Variants in PTPRB observed in about 807,000 individuals in gnomAD.
PTPRB encodes receptor-type tyrosine-protein phosphatase beta.
In PTPRB, 97 loss-of-function variants were observed where a neutral mutation model predicts 238.1. That is an observed-to-expected ratio of 0.41 (90% confidence interval 0.35 to 0.48). The LOEUF (loss-of-function observed/expected upper bound fraction) is 0.48. Among genes scored for constraint, PTPRB ranks in the 20% least tolerant of loss-of-function variants. The pLI is 0.30. For missense variants in PTPRB, 2,292 were observed against 2,681.9 expected (o/e 0.85, Z 3.21); for synonymous variants, 970 against 995.4 (o/e 0.97, Z 0.48).
intron 3 of PTPRB, among the ~76,000 whole-genome samples, chr12:70,610,071 C>G (rs1303958053): frequency 1.3e-5 from 2 of 152,112 alleles, no homozygotes; most frequent in African/African-American, 4.8e-5. Flanking sequence ...CCATTCTGAC[C>G]CGCGCTGCCT....
chr12:70,576,689 G>GGGGGGTGAA (rs1880814174), intron 10 of PTPRB, 44 bp from the exon 11 acceptor site: 1 of 324,636 alleles, frequency 3.1e-6, no homozygotes, highest in African/African-American at 2.7e-5. Flanking sequence ...GGGGAAGGGG[G>GGGGGGTGAA]ATTCAAAAAG....
intron 20 of PTPRB, among the ~76,000 whole-genome samples, chr12:70,553,965 A>G (rs1877277280): frequency 6.6e-6 from 1 of 152,202 alleles, no homozygotes; most frequent in East Asian, 1.9e-4. Context: ...ACACAAGGCT[A>G]CTTTCTGGGG....
At chr12:70,626,292 C>T (rs967736166) in intron 2 of PTPRB, among the ~76,000 whole-genome samples, 5 of 115,764 alleles carry the variant, frequency 4.3e-5, no homozygotes, top group African/African-American at 1.4e-4. Context: ...GATGTCTATC[C>T]ATCCATCTAT....
Position 70,562,941 on chromosome 12 carries a change from G to A in PTPRB, c.4071C>T (p.Phe1357=), listed in dbSNP as rs1228848629. The part of the protein sequence containing the change: ...RAQVDPLVQS[F]SFQNLLQGRM... ...TGCCTTGTAGCAAGTTCTGGAAAGA[G>A]AAGCTCTGGACTAGTGGGTCAACTT... The change falls in exon 16 of 34, where the codon TTC becomes TTT. Residue 1357 remains phenylalanine (F), a synonymous_variant. Transcript: ENST00000334414. 2 of 1,614,012 alleles carry A rather than the reference G, an allele frequency of 1.2e-6. No homozygotes were observed. Among genetic ancestry groups the A allele is most frequent in the East Asian group, 4.5e-5 (2 of 44,880 alleles).
At chr12:70,575,685 T>C (rs1233122715) in intron 11 of PTPRB, among the ~76,000 whole-genome samples, 2 of 152,220 alleles carry the variant, frequency 1.3e-5, no homozygotes, top group Non-Finnish European at 2.9e-5. Flanking sequence ...TTTGACAATG[T>C]ATTGATGCCA....
Position 70,521,388 on chromosome 12 carries a change from A to G in PTPRB, c.*101T>C. 1 of 757,406 alleles carries G rather than the reference A, an allele frequency of 1.3e-6. No homozygotes were observed. Among genetic ancestry groups the G allele is most frequent in the Non-Finnish European group, 2.0e-6 (1 of 496,812 alleles). The allele number at this position is 757,406 out of a possible 1,614,324, so 46.9% of individuals were successfully genotyped here. A position where few individuals can be genotyped will look rare whatever the true frequency, so the allele number is the denominator to read the frequency against. ...TCCAGATTAATAAATTATACATAGT[A>G]TCAACAGAAATAGCTGGCACCTCTG... On this transcript the variant is annotated 3_prime_UTR_variant, in exon 34 of 34. Transcript: ENST00000334414.
intron 4 of PTPRB, among the ~76,000 whole-genome samples, chr12:70,607,700 C>A (rs572844904): frequency 2.0e-5 from 3 of 151,778 alleles, no homozygotes; most frequent in South Asian, 4.2e-4. Context: ...CCACACCAGG[C>A]GAATTTTTTA....
chr12:70,531,051 T>TTTAA (rs1160912425), intron 32 of PTPRB, among the ~76,000 whole-genome samples: 1 of 152,206 alleles, frequency 6.6e-6, no homozygotes, highest in Admixed American at 6.5e-5. Flanking sequence ...GCAGAATATT[T>TTTAA]TTAATTTTTA....
intron 11 of PTPRB, among the ~76,000 whole-genome samples, chr12:70,576,170 CT>C (rs1199741119): frequency 2.6e-5 from 4 of 152,156 alleles, no homozygotes; most frequent in Non-Finnish European, 5.9e-5. Context: ...AACGGGAACA[CT>C]TTTTTCACTA....
Position 70,560,428 on chromosome 12 carries a change from A to C in PTPRB, c.4432+243T>G, listed in dbSNP as rs1878340841. On this transcript the variant is annotated intron_variant, in intron 17 of 33. Transcript: ENST00000334414. This position sits in a 1 kb window ranked among gnomAD's most constrained non-coding sequence, Gnocchi z 4.2. ...TGATTATTCCCACTTTGCAGATAAG[A>C]AAACTGAGGCCTAGAGATGCTCAAT... Among the ~76,000 whole-genome samples, 1 of 152,194 alleles carries C rather than the reference A, an allele frequency of 6.6e-6. No individual in the cohort carries two copies. The highest frequency in any genetic ancestry group is 6.5e-5 in the Admixed American group (1 of 15,270).
At chr12:70,542,280 T>A (rs975129530) in intron 22 of PTPRB, 11 of 152,220 alleles carry the variant, frequency 7.2e-5, no homozygotes, top group African/African-American at 2.7e-4. Context: ...CTTTGCCCAT[T>A]TAAATATTGT....
At chr12:70,598,556 A>C (rs1164611828) in intron 4 of PTPRB, among the ~76,000 whole-genome samples, 1 of 152,116 alleles carries the variant, frequency 6.6e-6, no homozygotes, top group Non-Finnish European at 1.5e-5. Flanking sequence ...TAATACTTAT[A>C]TTCCAAGGCA....
At chr12:70,636,920 T>G (rs953588762) in intron 1 of PTPRB, among the ~76,000 whole-genome samples, 1 of 152,152 alleles carries the variant, frequency 6.6e-6, no homozygotes, top group Non-Finnish European at 1.5e-5. Context: ...AATGACAACT[T>G]CCAAATAAAA....
At chr12:70,591,059 T>C (rs1476326079) in intron 7 of PTPRB, among the ~76,000 whole-genome samples, 1 of 149,222 alleles carries the variant, frequency 6.7e-6, no homozygotes, top group African/African-American at 2.5e-5. Context: ...GCCTCCTGAG[T>C]AGCTAGGACC....
intron 32 of PTPRB, among the ~76,000 whole-genome samples, chr12:70,531,046 A>G (rs1405500679): frequency 6.6e-6 from 1 of 152,240 alleles, no homozygotes; most frequent in African/African-American, 2.4e-5. Flanking sequence ...GTTCTGCAGA[A>G]TATTTTTAAT....
At position 70,587,194 on chromosome 12, in the gene PTPRB, A is replaced by T. The variant is rs751307665; in HGVS notation, c.2124T>A (p.Pro708=). The T allele has an allele frequency of 6.2e-7, 1 of 1,613,796 alleles. No individual in the cohort carries two copies. Among genetic ancestry groups the T allele is most frequent in the Non-Finnish European group, 8.5e-7 (1 of 1,179,716 alleles). ...ETSLSIMWQT[P]VAEWEKYIIS... is the part of the protein sequence containing the mutation. ...TGATGTATTTCTCCCATTCTGCTAC[A>T]GGGGTCTGCCACATGATACTCAGTG... The change falls in exon 9 of 34, where the codon CCT becomes CCA. Residue 708 remains proline, a synonymous_variant. Coordinates refer to ENST00000334414, the MANE Select transcript of PTPRB (RefSeq NM_001109754.4).
intron 10 of PTPRB, 29 bp from the exon 11 acceptor site, chr12:70,576,674 G>GA (rs1565967294): frequency 7.2e-6 from 2 of 277,594 alleles, no homozygotes; most frequent in Non-Finnish European, 1.4e-5. Context: ...GGGGGCGGGG[G>GA]GGGGGGGGAA....
Position 70,536,167 on chromosome 12 carries a change from G to T in PTPRB, c.5947-8C>A. On this transcript the variant is annotated splice_region_variant and splice_polypyrimidine_tract_variant and intron_variant, in intron 28 of 33. Transcript: ENST00000334414. The stretch of plus-strand genomic sequence containing the variant: ...TCTTCTGAAGTTGTTGCCCTGCAAT[G>T]AATTTACAATATGGAGAGTCAGAAA... The T allele has an allele frequency of 6.2e-7, 1 of 1,611,166 alleles. No individual in the cohort carries two copies. Among genetic ancestry groups the T allele is most frequent in the East Asian group, 2.2e-5 (1 of 44,856 alleles).
chr12:70,584,881 A>G (rs1007083780), intron 9 of PTPRB: 1 of 152,156 alleles, frequency 6.6e-6, no homozygotes, highest in Non-Finnish European at 1.5e-5. Context: ...ATATAAAGCA[A>G]TAATTATATT....
Sources: gnomAD v4.1 joint callset for allele counts (sites outside exome capture counted in the v4.1 genomes callset) on GRCh38, gnomAD v4.1.1 for gene constraint, Gnocchi (gnomAD v3.1) non-coding constraint, MANE v1.5 for transcripts, NCBI Gene and HGNC (gene_info 2026-07-23, HGNC 2026-07-21) for gene names.